The following KHDRBS2 variants were observed in gnomAD, a reference collection of about 807,000 sequenced individuals.
The protein encoded by KHDRBS2 is KH domain-containing, RNA-binding, signal transduction-associated protein 2.
In KHDRBS2, 26 loss-of-function variants were observed where a neutral mutation model predicts 44.3. The observed-to-expected ratio is 0.59, with a 90% CI of 0.43 to 0.81. KHDRBS2 has a LOEUF of 0.81. KHDRBS2 is among the 40% of genes least tolerant of loss of function. The probability of loss-of-function intolerance (pLI) is 0.00; values close to 1 mark genes in which losing one functional copy is unlikely to be tolerated. For missense variants in KHDRBS2, 476 were observed against 433.1 expected (o/e 1.10, Z -0.88); for synonymous variants, 194 against 151.1 (o/e 1.28, Z -2.08).
chr6:62,156,580 T>A (rs1816430428), intron 2 of KHDRBS2, among the ~76,000 whole-genome samples: 1 of 152,238 alleles, frequency 6.6e-6, no homozygotes, highest in Admixed American at 6.5e-5. Flanking sequence ...ATAAAAATGT[T>A]ACTAGATTTT....
At chr6:62,143,825 T>C (rs925661219) in intron 2 of KHDRBS2, among the ~76,000 whole-genome samples, 3 of 151,998 alleles carry the variant, frequency 2.0e-5, no homozygotes, top group Non-Finnish European at 2.9e-5. Context: ...TCCTATATTA[T>C]GGATTCATGT....
At chr6:62,196,745 A>G (rs543994075) in intron 1 of KHDRBS2, among the ~76,000 whole-genome samples, 2 of 152,168 alleles carry the variant, frequency 1.3e-5, no homozygotes, top group South Asian at 4.1e-4. Context: ...TAGGCCCTGG[A>G]GGTGGTTTGG....
intron 7 of KHDRBS2, among the ~76,000 whole-genome samples, chr6:61,699,918 A>T (rs1768386937): frequency 6.6e-6 from 1 of 151,982 alleles, no homozygotes; most frequent in South Asian, 2.1e-4. Flanking sequence ...ATGACTTGAG[A>T]TTGTAGAAGG....
chr6:61,945,150 T>TATACACAC (rs371595813), intron 4 of KHDRBS2, among the ~76,000 whole-genome samples: 1,047 of 86,918 alleles, frequency 0.012, 79 homozygotes, highest in South Asian at 0.022. Context: ...TATATATATA[T>TATACACAC]ACACACAGAC....
chr6:61,836,705 A>T (rs1792740937), intron 6 of KHDRBS2, among the ~76,000 whole-genome samples: 2 of 152,046 alleles, frequency 1.3e-5, no homozygotes, highest in Non-Finnish European at 2.9e-5. Context: ...TCAATTGGCT[A>T]AAAGTAATAA....
At chr6:61,845,179 A>G (rs1409105753) in intron 6 of KHDRBS2, among the ~76,000 whole-genome samples, 2 of 152,198 alleles carry the variant, frequency 1.3e-5, no homozygotes, top group African/African-American at 2.4e-5. Flanking sequence ...TCACACTTGT[A>G]AAAATAATTC....
intron 1 of KHDRBS2, among the ~76,000 whole-genome samples, chr6:62,202,941 G>T (rs1295171612): frequency 6.6e-6 from 1 of 152,048 alleles, no homozygotes; most frequent in Non-Finnish European, 1.5e-5. Flanking sequence ...AACTATAATT[G>T]ATTGTATTTT....
chr6:61,552,295 T>G, the KHDRBS2 span, among the ~76,000 whole-genome samples: 1 of 152,072 alleles, frequency 6.6e-6, no homozygotes, highest in Non-Finnish European at 1.5e-5. Context: ...GATTGCATTT[T>G]TGATTTGGCT....
chr6:62,130,017 C>T (rs1050973451), intron 2 of KHDRBS2, among the ~76,000 whole-genome samples: 2 of 152,140 alleles, frequency 1.3e-5, no homozygotes, highest in Non-Finnish European at 2.9e-5. Context: ...TGCATAACTA[C>T]TAATTCCAGA....
At chr6:62,174,906 A>G (rs1253584782) in intron 2 of KHDRBS2, among the ~76,000 whole-genome samples, 2 of 151,768 alleles carry the variant, frequency 1.3e-5, no homozygotes, top group African/African-American at 4.8e-5. Flanking sequence ...ACCACATCAC[A>G]TATTTTACAG....
the KHDRBS2 span, among the ~76,000 whole-genome samples, chr6:61,584,951 A>G: frequency 2.0e-5 from 3 of 152,022 alleles, no homozygotes; most frequent in Admixed American, 1.3e-4. Flanking sequence ...TTTCATATTG[A>G]CACTTGAGAT....
intron 2 of KHDRBS2, among the ~76,000 whole-genome samples, chr6:62,108,870 C>G (rs1804254953): frequency 1.3e-5 from 2 of 152,102 alleles, no homozygotes; most frequent in Non-Finnish European, 2.9e-5. Context: ...ACCGCATGTT[C>G]TCACTCATAG....
At chr6:62,081,198 G>T (rs1369306875) in intron 2 of KHDRBS2, among the ~76,000 whole-genome samples, 4 of 152,050 alleles carry the variant, frequency 2.6e-5, no homozygotes, top group Non-Finnish European at 4.4e-5. Flanking sequence ...TGTAATAGAT[G>T]AAAATGTCAC....
the KHDRBS2 span, among the ~76,000 whole-genome samples, chr6:61,564,550 C>T: frequency 6.6e-6 from 1 of 151,972 alleles, no homozygotes; most frequent in Non-Finnish European, 1.5e-5. Context: ...TGAAGGTGAT[C>T]TGGTATCTTC....
At chr6:62,206,978 A>G (rs2150142180) in intron 1 of KHDRBS2, among the ~76,000 whole-genome samples, 1 of 152,280 alleles carries the variant, frequency 6.6e-6, no homozygotes, top group South Asian at 2.1e-4. Flanking sequence ...ATGTACAGGT[A>G]CATATACATG....
the KHDRBS2 span, among the ~76,000 whole-genome samples, chr6:61,600,627 G>A: frequency 8.5e-5 from 13 of 152,178 alleles, no homozygotes; most frequent in South Asian, 1.0e-3. Context: ...TCACATGGAC[G>A]CGAGTGAAAT....
chr6:61,831,278 A>C (rs1791753310), intron 6 of KHDRBS2, among the ~76,000 whole-genome samples: 1 of 152,096 alleles, frequency 6.6e-6, no homozygotes, highest in Non-Finnish European at 1.5e-5. Context: ...AAAAACCACA[A>C]ATGATAGAAA....
At chr6:62,060,721 C>T (rs1344274644) in intron 2 of KHDRBS2, among the ~76,000 whole-genome samples, 1 of 151,348 alleles carries the variant, frequency 6.6e-6, no homozygotes, top group East Asian at 2.0e-4. Context: ...TGCTATAAGA[C>T]CCAAAAATCC....
chr6:61,580,723 C>T, the KHDRBS2 span, among the ~76,000 whole-genome samples: 1 of 152,074 alleles, frequency 6.6e-6, no homozygotes. Flanking sequence ...CTGTAACACT[C>T]GCTGTGAAGG....
Sources: allele counts gnomAD v4.1 joint callset (sites outside exome capture counted in the v4.1 genomes callset), GRCh38; gene constraint gnomAD v4.1.1; transcripts MANE v1.5; gene names NCBI Gene and HGNC (gene_info 2026-07-23, HGNC 2026-07-21).